The following LSAMP variants were observed in gnomAD, a reference collection of about 807,000 sequenced individuals.
LSAMP encodes limbic system-associated membrane protein.
In LSAMP, 7 loss-of-function variants were observed where a neutral mutation model predicts 38.6. The observed-to-expected ratio is 0.18, with a 90% confidence interval of 0.10 to 0.34. The LOEUF (loss-of-function observed/expected upper bound fraction) is 0.34. Among genes scored for constraint, LSAMP ranks in the 10% least tolerant of loss-of-function variants. The pLI is 1.00. For missense variants in LSAMP, 313 were observed against 420.0 expected, an observed-to-expected ratio of 0.75 and a Z score of 2.23; for synonymous variants, 154 against 166.8, an observed-to-expected ratio of 0.92 and a Z score of 0.59.
At chr3:116,323,297 C>T (rs1576127171) in intron 1 of LSAMP, among the ~76,000 whole-genome samples, 1 of 151,854 alleles carries the variant, frequency 6.6e-6, no homozygotes. Flanking sequence ...TTTTGCATAC[C>T]TTTTTTTTCC....
At chr3:116,224,699 A>G (rs1271302539) in intron 1 of LSAMP, among the ~76,000 whole-genome samples, 1 of 152,222 alleles carries the variant, frequency 6.6e-6, no homozygotes, top group Non-Finnish European at 1.5e-5. Flanking sequence ...TCAAGCTTAT[A>G]CCAGTCAAAA....
intron 1 of LSAMP, among the ~76,000 whole-genome samples, chr3:116,326,106 C>T (rs977451023): frequency 5.3e-5 from 8 of 152,026 alleles, no homozygotes; most frequent in Non-Finnish European, 1.0e-4. Flanking sequence ...TTTGTAATAA[C>T]TCATCTCAAT....
intron 2 of LSAMP, among the ~76,000 whole-genome samples, chr3:116,062,906 T>C (rs559398214): frequency 1.3e-5 from 2 of 152,308 alleles, no homozygotes; most frequent in East Asian, 3.9e-4. Context: ...TTATTGTTCA[T>C]AAATTTATCA....
Position 115,964,062 on chromosome 3 carries a change from G to C in LSAMP, c.514+55453C>G, listed in dbSNP as rs576019064. ...GCCACATCACCCAGCCTTCTTTAGT[G>C]TTAGTTTAAATGCCATCTCAATTAC... On this transcript the variant is annotated intron_variant, in intron 3 of 6. Transcript: ENST00000490035. Among the ~76,000 whole-genome samples, 6 of 152,246 alleles carry C rather than the reference G, an allele frequency of 3.9e-5. No individual in the cohort carries two copies. The South Asian group carries it at 1.2e-3, about 32-fold the overall frequency.
chr3:116,383,387 A>C (rs1053223471), intron 1 of LSAMP, among the ~76,000 whole-genome samples: 1 of 152,156 alleles, frequency 6.6e-6, no homozygotes, highest in Non-Finnish European at 1.5e-5. Context: ...AAGGAAAAAA[A>C]AATGGTACTA....
At chr3:116,149,647 G>A (rs1302968484) in intron 1 of LSAMP, among the ~76,000 whole-genome samples, 3 of 151,864 alleles carry the variant, frequency 2.0e-5, no homozygotes, top group South Asian at 2.1e-4. Context: ...GCAGCTCAGC[G>A]TTATCTGAGA....
chr3:116,194,258 G>A (rs1380736933), intron 1 of LSAMP, among the ~76,000 whole-genome samples: 1 of 152,126 alleles, frequency 6.6e-6, no homozygotes, highest in African/African-American at 2.4e-5. Context: ...GAAATGCAGA[G>A]AAGGGTCGAG....
intron 3 of LSAMP, among the ~76,000 whole-genome samples, chr3:116,009,171 G>T (rs1306756702): frequency 6.6e-6 from 1 of 152,038 alleles, no homozygotes; most frequent in Non-Finnish European, 1.5e-5. Flanking sequence ...ACTTACCTAG[G>T]TGTTTCTCTG....
chr3:116,373,991 G>A (rs1559845906), intron 1 of LSAMP, among the ~76,000 whole-genome samples: 1 of 151,890 alleles, frequency 6.6e-6, no homozygotes, highest in Non-Finnish European at 1.5e-5. Flanking sequence ...CATAAAGCAA[G>A]TGAGAACATT....
chr3:116,221,048 G>A (rs567694035), intron 1 of LSAMP, among the ~76,000 whole-genome samples: 2 of 151,040 alleles, frequency 1.3e-5, no homozygotes, highest in South Asian at 2.1e-4. Context: ...AGCTACTTGC[G>A]AGGGTGAGGC....
In LSAMP at chr3:115,830,632, A is replaced by G. The variant is rs141474666; in HGVS notation, c.919+11213T>C. Among the ~76,000 whole-genome samples the G allele has an allele frequency of 2.7e-3, 418 of 152,292 alleles. 9 individuals are homozygous for G. The highest frequency in any genetic ancestry group is 0.025 in the Admixed American group (389 of 15,284). ...GTTAGCTGTTGTTATTATTAATATT[A>G]TTACCATTATTAAACAAAGCAAAAT... On this transcript the variant is annotated intron_variant, in intron 6 of 6. Transcript: ENST00000490035.
At chr3:116,079,570 T>C (rs776169061) in intron 2 of LSAMP, among the ~76,000 whole-genome samples, 1 of 140,942 alleles carries the variant, frequency 7.1e-6, no homozygotes, top group African/African-American at 2.7e-5. Flanking sequence ...GGAGAATCAC[T>C]GGAACCCTGG....
At chr3:115,960,283 A>G (rs569186789) in intron 3 of LSAMP, among the ~76,000 whole-genome samples, 49 of 152,318 alleles carry the variant, frequency 3.2e-4, no homozygotes, top group Non-Finnish European at 6.0e-4. Context: ...AACACAGAAC[A>G]ACCTACAAGC....
intron 1 of LSAMP, among the ~76,000 whole-genome samples, chr3:116,376,236 C>A (rs2048491162): frequency 6.6e-6 from 1 of 151,934 alleles, no homozygotes; most frequent in African/African-American, 2.4e-5. Context: ...CTACTGGGTC[C>A]ATTAATTTTA....
intron 4 of LSAMP, among the ~76,000 whole-genome samples, chr3:115,849,358 G>C (rs1233749366): frequency 2.6e-5 from 4 of 152,144 alleles, no homozygotes; most frequent in African/African-American, 9.7e-5. Flanking sequence ...CAACAGGAGA[G>C]ACTGTTATGT....
intron 3 of LSAMP, among the ~76,000 whole-genome samples, chr3:115,931,492 G>A (rs1937580084): frequency 6.6e-6 from 1 of 152,150 alleles, no homozygotes; most frequent in Non-Finnish European, 1.5e-5. Context: ...CTTATTCTCT[G>A]AGGCACAGGG....
At chr3:115,843,549 G>A (rs934420078) in intron 4 of LSAMP, among the ~76,000 whole-genome samples, 3 of 152,154 alleles carry the variant, frequency 2.0e-5, no homozygotes, top group African/African-American at 4.8e-5. Context: ...TGTACACATG[G>A]GGAAAACAGA....
In LSAMP at chr3:116,401,032, T is replaced by C. The variant is rs566196137; in HGVS notation, c.155+43845A>G. 2.0e-5 allele frequency among the ~76,000 whole-genome samples: 3 copies of C among 152,290 alleles called. No homozygotes were observed. The South Asian group carries it at 6.2e-4, about 32-fold the overall frequency. ...ACAAGAGAAGACCCACTGATAATAG[T>C]GATGTTGTTCTGCTTTAGCTGCGTA... On this transcript the variant is annotated intron_variant, in intron 1 of 6. Coordinates refer to ENST00000490035, the MANE Select transcript of LSAMP (RefSeq NM_002338.5).
chr3:115,910,982 A>C (rs997910731), intron 3 of LSAMP, among the ~76,000 whole-genome samples: 1 of 152,306 alleles, frequency 6.6e-6, no homozygotes. Flanking sequence ...TGCTCCCAAC[A>C]CTTAGGAATT....
Sources: allele counts gnomAD v4.1 joint callset (sites outside exome capture counted in the v4.1 genomes callset), GRCh38; gene constraint gnomAD v4.1.1; transcripts MANE v1.5; gene names NCBI Gene and HGNC (gene_info 2026-07-23, HGNC 2026-07-21).